The following CPXCR1 variants were observed in gnomAD, a reference collection of about 807,000 sequenced individuals.
CPXCR1 encodes CPX chromosome region candidate 1.
A neutral mutation model predicts 13.8 loss-of-function variants in CPXCR1; 15 were observed. That is an observed-to-expected ratio of 1.09 (90% confidence interval 0.73 to 1.67). The LOEUF (loss-of-function observed/expected upper bound fraction) is 1.67, where lower values mean the gene tolerates loss of function less well. CPXCR1 is among the 40% of genes most tolerant of loss of function. The pLI is 0.00. For missense variants in CPXCR1, 247 were observed against 223.6 expected (o/e 1.10, Z -0.67); for synonymous variants, 70 against 76.7 (o/e 0.91, Z 0.46).
Position 88,754,123 on chromosome X carries a change from C to T in CPXCR1, c.709C>T (p.Leu237Phe). ...CRFRAIVRSV[L>F]FVSQIQIESI... is the part of the protein sequence containing the mutation. ...ATTCCGTGCTATTGTGAGGTCTGTG[C>T]TCTTTGTGTCACAGATACAAATTGA... Residue 237 changes from leucine to phenylalanine, a missense_variant, in exon 3 of 3, where the codon CTC becomes TTC. Coordinates refer to ENST00000276127, the MANE Select transcript of CPXCR1 (RefSeq NM_033048.6). The T allele has an allele frequency of 8.3e-7, 1 of 1,201,753 alleles. No homozygotes were observed. The highest frequency in any genetic ancestry group is 1.1e-6 in the Non-Finnish European group (1 of 887,641).
At chrX:88,752,299 G>A (rs1003539928) in intron 2 of CPXCR1, among the ~76,000 whole-genome samples, 2 of 111,053 alleles carry the variant, frequency 1.8e-5, no homozygotes, top group African/African-American at 3.3e-5. Context: ...AGTGAAATCT[G>A]CCACTATAAG....
chrX:88,753,293 G>A (rs1173821946), intron 2 of CPXCR1, 114 bp from the exon 3 acceptor site: 3 of 382,396 alleles, frequency 7.8e-6, no homozygotes, highest in Non-Finnish European at 1.3e-5. Flanking sequence ...ATAGTTGCGA[G>A]AAGGCACAGA....
At chrX:88,751,486 A>G (rs775390925) in intron 2 of CPXCR1, among the ~76,000 whole-genome samples, 1 of 111,348 alleles carries the variant, frequency 9.0e-6, no homozygotes, top group Non-Finnish European at 1.9e-5. Context: ...TTTACTTACA[A>G]TTATGTGTTC....
Position 88,753,640 on chromosome X carries a change from A to G in CPXCR1, c.226A>G (p.Ile76Val). 1 of 1,207,237 alleles carries G rather than the reference A, an allele frequency of 8.3e-7. No individual in the cohort carries two copies. Among genetic ancestry groups the G allele is most frequent in the Non-Finnish European group, 1.1e-6 (1 of 893,661 alleles). Reference protein sequence around the residue: ...AAENSELETEIQKDQREEDLK... With the variant: ...AAENSELETEVQKDQREEDLK... The stretch of plus-strand genomic sequence containing the variant: ...AGAAAACAGCGAGCTCGAAACAGAG[A>G]TCCAAAAAGATCAACGAGAAGAAGA... Residue 76 changes from isoleucine to valine, a missense_variant, in exon 3 of 3, where the codon ATC becomes GTC. Coordinates refer to ENST00000276127, the MANE Select transcript of CPXCR1 (RefSeq NM_033048.6).
chrX:88,747,937 T>C (rs1310902308), intron 1 of CPXCR1, among the ~76,000 whole-genome samples: 1 of 112,165 alleles, frequency 8.9e-6, no homozygotes, highest in Admixed American at 9.5e-5. Context: ...CTACTTTCAA[T>C]ATAAAGGATA....
intron 2 of CPXCR1, among the ~76,000 whole-genome samples, chrX:88,752,585 C>T (rs1924951879): frequency 9.1e-6 from 1 of 109,694 alleles, no homozygotes; most frequent in African/African-American, 3.3e-5. Context: ...CTTGCTCTGT[C>T]ATCCAGGCAG....
intron 1 of CPXCR1, among the ~76,000 whole-genome samples, chrX:88,747,630 G>A (rs917061146): frequency 2.7e-5 from 3 of 111,651 alleles, no homozygotes; most frequent in African/African-American, 9.8e-5. Context: ...CAGAAGATAA[G>A]GTCCCTCAAT....
At position 88,754,585 on chromosome X, in the gene CPXCR1, T is replaced by A. The variant is rs918433937; in HGVS notation, c.*265T>A. The A allele has an allele frequency of 4.1e-6, 1 of 243,259 alleles. No individual in the cohort carries two copies. 20.0% of individuals were successfully genotyped at this position (243,259 alleles called of 1,213,427 possible). A position where few individuals can be genotyped will look rare whatever the true frequency, so the allele number is the denominator to read the frequency against. ...CAGCATTTGAACCAAGTAAATGTTT[T>A]CACTGTCTTAACATCTATTTCTGTA... On this transcript the variant is annotated 3_prime_UTR_variant, in exon 3 of 3. Transcript: ENST00000276127.
Position 88,753,784 on chromosome X carries a change from T to G in CPXCR1, c.370T>G (p.Phe124Val). 8.3e-7 allele frequency: 1 copy of G among 1,209,890 alleles called. No individual in the cohort carries two copies. Among genetic ancestry groups the G allele is most frequent in the South Asian group, 1.8e-5 (1 of 56,846 alleles). The stretch of plus-strand genomic sequence containing the variant: ...GAAAGTTGAGATGAAAGCAAACAAT[T>G]TCCCCATAAATCACAAAACTCGTTT... ...SGKVEMKANNFPINHKTRFRL... is the reference protein window; with the variant it reads ...SGKVEMKANNVPINHKTRFRL... The change falls in exon 3 of 3, where the codon TTC (phenylalanine) becomes GTC (valine). Residue 124 changes from phenylalanine to valine, a missense_variant. Transcript: ENST00000276127.
rs2147634972 is a variant in CPXCR1, at chrX:88,754,513, T to C, written c.*193T>C. The C allele has an allele frequency of 2.9e-6, 1 of 339,280 alleles. No homozygotes were observed. The highest frequency in any genetic ancestry group is 4.4e-5 in the East Asian group (1 of 22,665). The allele number at this position is 339,280 out of a possible 1,213,427, so 28.0% of individuals were successfully genotyped here. On this transcript the variant is annotated 3_prime_UTR_variant, in exon 3 of 3. Transcript: ENST00000276127. The stretch of plus-strand genomic sequence containing the variant: ...AGGAAACATCTGTTTATACTTTGCT[T>C]TTACAAGTACATCATTGAAATATCA...
chrX:88,748,499 A>G (rs1201132913), intron 1 of CPXCR1, among the ~76,000 whole-genome samples: 1 of 110,672 alleles, frequency 9.0e-6, no homozygotes, highest in Non-Finnish European at 1.9e-5. Flanking sequence ...TAAATAAGAA[A>G]GACATATGAT....
At position 88,753,677 on chromosome X, in the gene CPXCR1, A is replaced by G. The variant is rs371549416; in HGVS notation, c.263A>G (p.Glu88Gly). Residue 88 changes from glutamate (E) to glycine (G), a missense_variant, in exon 3 of 3, where the codon GAG becomes GGG. Physicochemically the swap from Glu to Gly is moderately conservative, Grantham distance 98. Transcript: ENST00000276127. Reference sequence around the variant, plus strand: ...CAACGAGAAGAAGATCTAAAAGAAGAGCTTCTTCTACTTCAGACCCCCATT... The same window carrying G: ...CAACGAGAAGAAGATCTAAAAGAAGGGCTTCTTCTACTTCAGACCCCCATT... ...KDQREEDLKE[E>G]LLLLQTPIPR... 2 of 1,210,205 alleles carry G rather than the reference A, an allele frequency of 1.7e-6. No individual in the cohort carries two copies. The highest frequency in any genetic ancestry group is 2.2e-6 in the Non-Finnish European group (2 of 894,852).
chrX:88,747,434 T>C (rs1162883179), intron 1 of CPXCR1, 65 bp downstream of exon 1: 2 of 112,551 alleles, frequency 1.8e-5, no homozygotes, highest in African/African-American at 6.5e-5. Flanking sequence ...TAAAGTTAGC[T>C]TTGGTTTCTT....
chrX:88,750,249 C>G (rs1924880051), intron 2 of CPXCR1, among the ~76,000 whole-genome samples: 1 of 111,293 alleles, frequency 9.0e-6, no homozygotes, highest in Admixed American at 9.6e-5. Context: ...TACGTTTCAT[C>G]GATACCTAGT....
chrX:88,748,251 T>TTGTG (rs756027448), intron 1 of CPXCR1, among the ~76,000 whole-genome samples: 1 of 108,795 alleles, frequency 9.2e-6, no homozygotes, highest in African/African-American at 3.3e-5. Flanking sequence ...CAGTGAAATG[T>TTGTG]TGTGTGTGTG....
At chrX:88,752,455 C>T (rs1268028372) in intron 2 of CPXCR1, among the ~76,000 whole-genome samples, 1 of 111,578 alleles carries the variant, frequency 9.0e-6, no homozygotes, top group African/African-American at 3.3e-5. Flanking sequence ...CTTATCTACC[C>T]TACTTTCCCT....
chrX:88,747,999 A>G (rs1383837868), intron 1 of CPXCR1, among the ~76,000 whole-genome samples: 1 of 111,791 alleles, frequency 8.9e-6, no homozygotes, highest in Non-Finnish European at 1.9e-5. Context: ...TTAAAACTCC[A>G]TATGTATCTT....
Position 88,753,734 on chromosome X carries a change from A to G in CPXCR1, c.320A>G (p.Asn107Ser). ...PRKLVSHKPL[N>S]DRSRSHSGKV... ...AAATTGGTCTCTCACAAGCCCTTAA[A>G]TGATAGATCAAGATCCCACTCAGGG... Residue 107 changes from asparagine to serine, a missense_variant, in exon 3 of 3, where the codon AAT (asparagine) becomes AGT (serine). Transcript: ENST00000276127. 1 of 1,209,224 alleles carries G rather than the reference A, an allele frequency of 8.3e-7. No homozygotes were observed. Among genetic ancestry groups the G allele is most frequent in the Non-Finnish European group, 1.1e-6 (1 of 893,457 alleles).
chrX:88,753,596 A>G lies in CPXCR1; in HGVS notation c.182A>G (p.Asp61Gly). The G allele has an allele frequency of 8.3e-7, 1 of 1,207,993 alleles. No individual in the cohort carries two copies. Among genetic ancestry groups the G allele is most frequent in the African/African-American group, 1.7e-5 (1 of 57,405 alleles). The change falls in exon 3 of 3, where the codon GAT becomes GGT. Residue 61 changes from aspartate (D) to glycine (G), a missense_variant. Transcript: ENST00000276127. The stretch of plus-strand genomic sequence containing the variant: ...CCAGGCACAGCAACCTCCCAGGAAG[A>G]TGTTGTTCCTCAAGCAGCAGAAAAC... ...REPGTATSQEDVVPQAAENSE... is the reference protein window; with the variant it reads ...REPGTATSQEGVVPQAAENSE...
Sources: gnomAD v4.1 joint callset for allele counts (sites outside exome capture counted in the v4.1 genomes callset) on GRCh38, gnomAD v4.1.1 for gene constraint, MANE v1.5 for transcripts, NCBI Gene and HGNC (gene_info 2026-07-23, HGNC 2026-07-21) for gene names.